Variants in ZNF324B observed in about 807,000 individuals in gnomAD.
The protein encoded by ZNF324B is zinc finger protein 324B.
A neutral mutation model predicts 10.6 loss-of-function variants in ZNF324B; 7 were observed. That is an observed-to-expected ratio of 0.66 (90% CI 0.38 to 1.24). ZNF324B has a LOEUF of 1.24. Ranked by LOEUF, ZNF324B falls within the 50% of genes most tolerant of loss-of-function variation. The probability of loss-of-function intolerance (pLI) is 0.02; values close to 1 mark genes in which losing one functional copy is unlikely to be tolerated. For missense variants in ZNF324B, 640 were observed against 764.7 expected, an observed-to-expected ratio of 0.84 and a Z score of 1.92; for synonymous variants, 316 against 321.0, an observed-to-expected ratio of 0.98 and a Z score of 0.17.
chr19:58,446,225 G>T, the ZNF324B span, among the ~76,000 whole-genome samples: 1 of 152,224 alleles, frequency 6.6e-6, no homozygotes. Flanking sequence ...TCCCTGAGGA[G>T]ACACTCCATG....
chr19:58,438,795 G>A, the ZNF324B span, among the ~76,000 whole-genome samples: 2 of 145,702 alleles, frequency 1.4e-5, no homozygotes, highest in African/African-American at 5.1e-5. Flanking sequence ...TTTTAAGACA[G>A]AGTCTCGCTC....
chr19:58,446,433 C>A, the ZNF324B span, among the ~76,000 whole-genome samples: 1 of 152,052 alleles, frequency 6.6e-6, no homozygotes, highest in African/African-American at 2.4e-5. Flanking sequence ...TAAGTCACTC[C>A]CTGTTTCCTG....
the ZNF324B span, chr19:58,439,906 C>T: frequency 7.0e-7 from 1 of 1,424,066 alleles, no homozygotes; most frequent in Non-Finnish European, 9.5e-7. Context: ...ACCTGTCTTC[C>T]CAAATGCAAA....
chr19:58,440,667 C>G, the ZNF324B span: 1 of 152,090 alleles, frequency 6.6e-6, no homozygotes, highest in South Asian at 2.1e-4. Flanking sequence ...GTGTTCGCCC[C>G]CCACAACACC....
chr19:58,452,702 T>C lies in ZNF324B; in HGVS notation c.-6-994T>C, dbSNP rs542887982. On this transcript the variant is annotated intron_variant, in intron 1 of 3. Coordinates refer to ENST00000336614, the MANE Select transcript of ZNF324B (RefSeq NM_207395.3). Reference sequence around the variant, plus strand: ...ATGTCACTGGACCTGACGTTGTTGGTGTCCTGGGCTGAGGACAGGGCCTAT... The same window carrying C: ...ATGTCACTGGACCTGACGTTGTTGGCGTCCTGGGCTGAGGACAGGGCCTAT... The C allele has an allele frequency of 4.6e-5, 45 of 967,792 alleles. No individual in the cohort carries two copies. In the South Asian group the frequency reaches 6.7e-4, roughly 14 times the overall value. The allele number at this position is 967,792 out of a possible 1,614,324, so 60.0% of individuals were successfully genotyped here. A position where few individuals can be genotyped will look rare whatever the true frequency, so the allele number is the denominator to read the frequency against.
chr19:58,448,202 T>C (rs533601045), upstream of ZNF324B, among the ~76,000 whole-genome samples: 37 of 152,260 alleles, frequency 2.4e-4, no homozygotes, highest in Non-Finnish European at 4.0e-4. Context: ...CAGAAGGAGA[T>C]AGGAAAATGT....
At chr19:58,451,995 G>C (rs932009714) in intron 1 of ZNF324B, 3 of 240,900 alleles carry the variant, frequency 1.2e-5, no homozygotes, top group Non-Finnish European at 2.5e-5. Flanking sequence ...CCCGCGCCGG[G>C]GGGGCGGGGG....
rs778275471 is a variant in ZNF324B, at chr19:58,455,497, C to T, written c.553C>T (p.Pro185Ser). 4 of 1,614,046 alleles carry T rather than the reference C, an allele frequency of 2.5e-6. No homozygotes were observed. The highest frequency in any genetic ancestry group is 3.4e-6 in the Non-Finnish European group (4 of 1,179,970). Residue 185 changes from proline to serine, a missense_variant, in exon 4 of 4, where the codon CCT becomes TCT. Physicochemically the swap from Pro to Ser is moderately conservative, Grantham distance 74. Around this residue, in one of 3 missense-constraint regions of ZNF324B, gnomAD observed 345 missense variants for 387.9 expected, o/e 0.89. Transcript: ENST00000336614. This position sits in a 1 kb window ranked among gnomAD's most constrained non-coding sequence, Gnocchi z 7.0. ...REKTFTEYRVPGRQPRTPERQ... is the reference protein window; with the variant it reads ...REKTFTEYRVSGRQPRTPERQ... Reference sequence around the variant, plus strand: ...AAAGACCTTCACAGAGTACCGGGTGCCTGGGAGGCAGCCCAGGACGCCTGA... The same window carrying T: ...AAAGACCTTCACAGAGTACCGGGTGTCTGGGAGGCAGCCCAGGACGCCTGA...
chr19:58,441,418 G>A, the ZNF324B span: 1 of 152,198 alleles, frequency 6.6e-6, no homozygotes, highest in Admixed American at 6.5e-5. Flanking sequence ...GATTCCCAGT[G>A]GATCTTCAAG....
chr19:58,419,993 C>T, the ZNF324B span, among the ~76,000 whole-genome samples: 3 of 152,150 alleles, frequency 2.0e-5, no homozygotes, highest in Non-Finnish European at 4.4e-5. Flanking sequence ...AAGAAAAAAT[C>T]GTTTTAGGCT....
At chr19:58,448,192 C>T (rs961405548), upstream of ZNF324B, among the ~76,000 whole-genome samples, 6 of 152,126 alleles carry the variant, frequency 3.9e-5, no homozygotes, top group Non-Finnish European at 7.3e-5. Context: ...TTGGAAGCCT[C>T]AGAAGGAGAT....
chr19:58,450,809 C>T (rs2052850552), upstream of ZNF324B, among the ~76,000 whole-genome samples: 4 of 152,232 alleles, frequency 2.6e-5, no homozygotes, highest in Non-Finnish European at 5.9e-5. Flanking sequence ...CGTTTATTCT[C>T]TGCCAACAAC....
the ZNF324B span, chr19:58,433,997 C>T: frequency 1.2e-6 from 2 of 1,614,194 alleles, no homozygotes; most frequent in Admixed American, 1.7e-5. Context: ...GGCCGTTCTC[C>T]AGTGTGAACT....
the ZNF324B span, among the ~76,000 whole-genome samples, chr19:58,438,050 C>CA: frequency 6.6e-6 from 1 of 152,146 alleles, no homozygotes; most frequent in African/African-American, 2.4e-5. Context: ...ACCAGCCTGA[C>CA]AAAAACCCCA....
the ZNF324B span, among the ~76,000 whole-genome samples, chr19:58,427,365 T>C: frequency 2.3e-4 from 11 of 48,842 alleles, no homozygotes; most frequent in Admixed American, 2.2e-3. Context: ...TTTCTTTCTT[T>C]CTTTCTTTCT....
the ZNF324B span, among the ~76,000 whole-genome samples, chr19:58,423,770 C>T: frequency 1.3e-5 from 2 of 152,160 alleles, no homozygotes; most frequent in South Asian, 2.1e-4. Context: ...CAGATATTTA[C>T]AGCCAACTGA....
At chr19:58,444,037 C>T in the ZNF324B span, 1 of 152,190 alleles carries the variant, frequency 6.6e-6, no homozygotes, top group Non-Finnish European at 1.5e-5. Flanking sequence ...CCATGGTGCA[C>T]CAGTTCTGTT....
chr19:58,452,266 G>C (rs2052867784), intron 1 of ZNF324B: 1 of 152,496 alleles, frequency 6.6e-6, no homozygotes, highest in East Asian at 1.9e-4. Flanking sequence ...CTCTCGATGT[G>C]GAGCTGGAGT....
At chr19:58,439,797 G>T in the ZNF324B span, 121 of 1,547,022 alleles carry the variant, frequency 7.8e-5, no homozygotes, top group Non-Finnish European at 1.0e-4. Context: ...AACCCCATTA[G>T]AACCTGTGGG....
Sources: allele counts gnomAD v4.1 joint callset (sites outside exome capture counted in the v4.1 genomes callset), GRCh38; gene constraint gnomAD v4.1.1; regional missense constraint gnomAD v4.1.1; non-coding constraint Gnocchi (gnomAD v3.1); transcripts MANE v1.5; gene names NCBI Gene and HGNC (gene_info 2026-07-23, HGNC 2026-07-21).